The following DLGAP4 variants were observed in gnomAD, a reference collection of about 807,000 sequenced individuals.
The protein encoded by DLGAP4 is disks large-associated protein 4.
Under a neutral mutation model 86.9 loss-of-function variants are expected in DLGAP4, and 18 were observed. The observed-to-expected ratio is 0.21, with a 90% CI of 0.14 to 0.31. The LOEUF is 0.31. DLGAP4 is among the 10% of genes least tolerant of loss of function. The probability of loss-of-function intolerance (pLI) is 1.00; values close to 1 mark genes in which losing one functional copy is unlikely to be tolerated. For synonymous variants in DLGAP4, 548 were observed against 574.3 expected (o/e 0.95, Z 0.65); for missense variants, 1,085 against 1,362.6 (o/e 0.80, Z 3.21).
chr20:36,370,114 T>C (rs1223066047), intron 2 of DLGAP4, among the ~76,000 whole-genome samples: 1 of 152,166 alleles, frequency 6.6e-6, no homozygotes, highest in African/African-American at 2.4e-5. Context: ...TTTTTAAGGC[T>C]TGGGAGGCCA....
chr20:36,332,755 T>C (rs1273332078), intron 1 of DLGAP4, among the ~76,000 whole-genome samples: 2 of 152,006 alleles, frequency 1.3e-5, no homozygotes, highest in African/African-American at 4.8e-5. Context: ...TTGCCCAGGA[T>C]CAGAGCTGGG....
At chr20:36,516,112 C>T (rs1196575644) in intron 10 of DLGAP4, among the ~76,000 whole-genome samples, 1 of 152,174 alleles carries the variant, frequency 6.6e-6, no homozygotes, top group East Asian at 1.9e-4. Context: ...ACTGCTTTGG[C>T]CAGAATTTAG....
intron 2 of DLGAP4, among the ~76,000 whole-genome samples, chr20:36,399,963 A>G (rs2147481165): frequency 6.6e-6 from 1 of 152,350 alleles, no homozygotes; most frequent in Middle Eastern, 3.4e-3. Flanking sequence ...AACTGGTAAC[A>G]TTCAGGCCAA....
intron 2 of DLGAP4, among the ~76,000 whole-genome samples, chr20:36,379,038 C>T (rs554141631): frequency 4.1e-4 from 63 of 152,264 alleles, no homozygotes; most frequent in African/African-American, 1.5e-3. Context: ...AAGCTAGCGA[C>T]ACTCTGGGTG....
chr20:36,389,622 C>T (rs542533200), intron 2 of DLGAP4, among the ~76,000 whole-genome samples: 15 of 151,878 alleles, frequency 9.9e-5, no homozygotes, highest in Non-Finnish European at 1.8e-4. Context: ...CTTCCTCTCT[C>T]TTTTTAAAAA....
At chr20:36,317,268 TTTC>T (rs2065113555) in intron 1 of DLGAP4, among the ~76,000 whole-genome samples, 1 of 34,042 alleles carries the variant, frequency 2.9e-5, no homozygotes, top group East Asian at 6.2e-4. Context: ...TCTTTCTTTC[TTTC>T]TTTCTTATCT....
chr20:36,347,226 G>A lies in DLGAP4; in HGVS notation c.-303-19819G>A, dbSNP rs574293181. ...TCCCAGCTGGGGCCTGGGCCAGAGG[G>A]TCATTCAGAAGAGTGCTGACCCCCT... On this transcript the variant is annotated intron_variant, in intron 1 of 12. Coordinates refer to ENST00000339266, the MANE Select transcript of DLGAP4 (RefSeq NM_001365621.2). Among the ~76,000 whole-genome samples the A allele has an allele frequency of 2.8e-4, 43 of 152,324 alleles. No individual in the cohort carries two copies. The Middle Eastern group carries it at 0.01, about 36-fold the overall frequency.
intron 2 of DLGAP4, among the ~76,000 whole-genome samples, chr20:36,424,980 G>A (rs2032935943): frequency 6.6e-6 from 1 of 151,968 alleles, no homozygotes; most frequent in South Asian, 2.1e-4. Flanking sequence ...AAGTAATCCA[G>A]GCGTGAGCCA....
intron 7 of DLGAP4, chr20:36,461,622 CCGGAGCA>C (rs2034057283): frequency 1.1e-6 from 1 of 941,406 alleles, no homozygotes; most frequent in African/African-American, 1.8e-5. Flanking sequence ...CCAGCGCCGC[CCGGAGCA>C]GCCGCGGCCC....
chr20:36,354,964 A>C (rs2030277627), intron 1 of DLGAP4, among the ~76,000 whole-genome samples: 1 of 152,144 alleles, frequency 6.6e-6, no homozygotes, highest in African/African-American at 2.4e-5. Context: ...CAAAACAGAT[A>C]AAAACAAAAC....
At chr20:36,428,764 T>G (rs973939464) in intron 2 of DLGAP4, among the ~76,000 whole-genome samples, 1 of 152,256 alleles carries the variant, frequency 6.6e-6, no homozygotes, top group Admixed American at 6.5e-5. Flanking sequence ...TCATAGGATG[T>G]TCTAGAGGTC....
chr20:36,368,959 C>T (rs562991166), intron 2 of DLGAP4, among the ~76,000 whole-genome samples: 20 of 152,220 alleles, frequency 1.3e-4, no homozygotes, highest in Non-Finnish European at 2.1e-4. Context: ...TGCCCACCTC[C>T]ACCCTCCGGG....
rs1237162369 is a variant in DLGAP4 at position 36,500,833 on chromosome 20, T to A, written c.2512+222T>A. Reference sequence around the variant, plus strand: ...GGTTGCTGGTGATAGCTGTTTGTTGTGCAGGCTGTGAGGCCACCCACACCT... The same window carrying A: ...GGTTGCTGGTGATAGCTGTTTGTTGAGCAGGCTGTGAGGCCACCCACACCT... On this transcript the variant is annotated intron_variant, in intron 10 of 12. Transcript: ENST00000339266. The surrounding 1 kb of genome is among the most constrained non-coding windows in gnomAD (Gnocchi z 4.6). Among the ~76,000 whole-genome samples, 1 of 152,196 alleles carries A rather than the reference T, an allele frequency of 6.6e-6. No individual in the cohort carries two copies. Among genetic ancestry groups the A allele is most frequent in the Non-Finnish European group, 1.5e-5 (1 of 68,034 alleles).
intron 1 of DLGAP4, among the ~76,000 whole-genome samples, chr20:36,315,126 T>A (rs1421865865): frequency 2.0e-5 from 3 of 148,690 alleles, no homozygotes. Flanking sequence ...TGGTATGTGG[T>A]GTGGTGTGTG....
intron 10 of DLGAP4, among the ~76,000 whole-genome samples, chr20:36,523,388 C>T (rs929259216): frequency 2.0e-5 from 3 of 152,174 alleles, no homozygotes; most frequent in Non-Finnish European, 2.9e-5. Context: ...TTATTTTTTA[C>T]AATTCTTCTG....
rs377594579 is a variant in DLGAP4 at position 36,509,831 on chromosome 20, C to T, written c.2512+9220C>T. Among the ~76,000 whole-genome samples the T allele has an allele frequency of 2.8e-4, 43 of 151,614 alleles. No homozygotes were observed. The East Asian group carries it at 4.3e-3, about 15-fold the overall frequency. On this transcript the variant is annotated intron_variant, in intron 10 of 12. Transcript: ENST00000339266. ...TTACACTGTGCCTATTATAATATGA[C>T]GAATATTTTCTGCCACATTATTGCT... is the stretch of plus-strand genomic sequence containing the variant.
chr20:36,476,714 T>G (rs1300766855), intron 7 of DLGAP4, among the ~76,000 whole-genome samples: 1 of 143,806 alleles, frequency 7.0e-6, no homozygotes, highest in Non-Finnish European at 1.5e-5. Context: ...GGTTTTTTTT[T>G]TTTTTTTTTT....
intron 7 of DLGAP4, among the ~76,000 whole-genome samples, chr20:36,486,085 G>A (rs2035398455): frequency 6.6e-6 from 1 of 152,156 alleles, no homozygotes; most frequent in South Asian, 2.1e-4. Flanking sequence ...CTGCTTCCAT[G>A]TGCCTCTGTT....
At chr20:36,492,042 A>G (rs1447341021) in intron 7 of DLGAP4, among the ~76,000 whole-genome samples, 1 of 152,194 alleles carries the variant, frequency 6.6e-6, no homozygotes, top group Non-Finnish European at 1.5e-5. Flanking sequence ...TCTCAGAGGA[A>G]GAAATTCTGA....
Sources: allele counts gnomAD v4.1 joint callset (sites outside exome capture counted in the v4.1 genomes callset), GRCh38; gene constraint gnomAD v4.1.1; non-coding constraint Gnocchi (gnomAD v3.1); transcripts MANE v1.5; gene names NCBI Gene and HGNC (gene_info 2026-07-23, HGNC 2026-07-21).